Variants in SDK1 observed in about 807,000 individuals in gnomAD.
The protein encoded by SDK1 is protein sidekick-1.
SDK1 carries 157 observed loss-of-function variants against 245.5 expected under a neutral mutation model. The ratio of observed to expected loss-of-function variants is 0.64; its 90% CI spans 0.56 to 0.73. SDK1 has a LOEUF of 0.73. Among genes scored for constraint, SDK1 ranks in the 30% least tolerant of loss-of-function variants. SDK1 has a pLI of 0.00. For synonymous variants in SDK1, 1,647 were observed against 1,278.5 expected (o/e 1.29, Z -6.15); for missense variants, 3,583 against 3,002.3 (o/e 1.19, Z -4.52).
intron 32 of SDK1, among the ~76,000 whole-genome samples, chr7:4,163,547 C>A (rs576384224): frequency 1.3e-5 from 2 of 152,286 alleles, no homozygotes; most frequent in African/African-American, 4.8e-5. Flanking sequence ...CAGAGCATCT[C>A]CCAGGGCCCT....
intron 5 of SDK1, among the ~76,000 whole-genome samples, chr7:3,823,960 T>TG (rs145196602): frequency 0.12 from 17,838 of 151,684 alleles, 1,763 homozygotes; most frequent in African/African-American, 0.27. Flanking sequence ...GTGTTTTTTT[T>TG]TTTTGTTTTT....
intron 32 of SDK1, among the ~76,000 whole-genome samples, chr7:4,164,799 G>A (rs910447947): frequency 2.0e-5 from 3 of 152,190 alleles, no homozygotes; most frequent in African/African-American, 7.2e-5. Context: ...GAGGAGCTGG[G>A]CTGGTGTGTG....
chr7:3,436,894 A>G (rs1196382457), intron 1 of SDK1, among the ~76,000 whole-genome samples: 1 of 152,186 alleles, frequency 6.6e-6, no homozygotes, highest in Non-Finnish European at 1.5e-5. Flanking sequence ...AATGTTCTGT[A>G]ATGAAAGTGT....
intron 2 of SDK1, among the ~76,000 whole-genome samples, chr7:3,621,013 C>G (rs1163504949): frequency 6.6e-6 from 1 of 152,122 alleles, no homozygotes; most frequent in Non-Finnish European, 1.5e-5. Flanking sequence ...GGTGTTATAA[C>G]TTTAGGCAGG....
chr7:4,093,898 G>T (rs753807882), intron 22 of SDK1, among the ~76,000 whole-genome samples: 2 of 152,132 alleles, frequency 1.3e-5, no homozygotes, highest in African/African-American at 4.8e-5. Flanking sequence ...GCACGTCCTT[G>T]GTCCAAAGCC....
intron 5 of SDK1, among the ~76,000 whole-genome samples, chr7:3,916,880 A>G (rs1779400105): frequency 6.6e-6 from 1 of 152,226 alleles, no homozygotes; most frequent in Non-Finnish European, 1.5e-5. Flanking sequence ...TAGATAGATA[A>G]TAGAGGACTT....
At chr7:3,984,399 G>T (rs1783656688) in intron 13 of SDK1, among the ~76,000 whole-genome samples, 1 of 152,314 alleles carries the variant, frequency 6.6e-6, no homozygotes, top group African/African-American at 2.4e-5. Context: ...AGCGTGATTT[G>T]AAATCAAGTG....
chr7:3,761,857 T>G (rs1780115252), intron 4 of SDK1, among the ~76,000 whole-genome samples: 2 of 152,186 alleles, frequency 1.3e-5, no homozygotes, highest in South Asian at 4.1e-4. Context: ...TGTATTTGCT[T>G]GCGACTTGCA....
At chr7:3,456,448 C>G (rs766307756) in intron 1 of SDK1, among the ~76,000 whole-genome samples, 13 of 152,146 alleles carry the variant, frequency 8.5e-5, no homozygotes, top group African/African-American at 9.7e-5. Context: ...TTCCATTGCT[C>G]TATCTTCAAG....
At chr7:3,301,969 C>T (rs1010687141) in intron 1 of SDK1, 85 bp downstream of exon 1, 23 of 972,970 alleles carry the variant, frequency 2.4e-5, no homozygotes, top group African/African-American at 1.0e-4. Flanking sequence ...TGTCCGGGGT[C>T]CCCCCGCTTC....
At chr7:4,143,178 A>C (rs893428063) in intron 28 of SDK1, among the ~76,000 whole-genome samples, 2 of 151,866 alleles carry the variant, frequency 1.3e-5, no homozygotes, top group African/African-American at 4.8e-5. Flanking sequence ...GGCATTCAGC[A>C]CCCTGTCCTG....
intron 25 of SDK1, among the ~76,000 whole-genome samples, chr7:4,115,997 G>T (rs1007798807): frequency 3.3e-5 from 5 of 152,162 alleles, no homozygotes; most frequent in African/African-American, 4.8e-5. Flanking sequence ...AGGCCTGTTG[G>T]CATGGGTGGA....
intron 17 of SDK1, among the ~76,000 whole-genome samples, chr7:4,030,661 C>G (rs981626311): frequency 1.3e-5 from 2 of 152,200 alleles, no homozygotes; most frequent in South Asian, 2.1e-4. Flanking sequence ...CACCAACATT[C>G]AGGTGATTTT....
At chr7:3,386,968 A>G (rs556528340) in intron 1 of SDK1, among the ~76,000 whole-genome samples, 1 of 152,354 alleles carries the variant, frequency 6.6e-6, no homozygotes, top group East Asian at 1.9e-4. Context: ...GAATTCAGGC[A>G]TTCTAACTTT....
intron 14 of SDK1, among the ~76,000 whole-genome samples, chr7:4,002,244 CT>C (rs1785128111): frequency 7.6e-3 from 1 of 132 alleles, no homozygotes; most frequent in Admixed American, 0.12. Flanking sequence ...TGAGTCTGGG[CT>C]CCAGCCGGAG....
intron 35 of SDK1, among the ~76,000 whole-genome samples, chr7:4,205,412 C>T (rs1784160896): frequency 6.6e-6 from 1 of 152,130 alleles, no homozygotes. Flanking sequence ...CCTGTCACAT[C>T]CCAGGCATTG....
chr7:3,872,876 CT>C (rs2115136121), intron 5 of SDK1, among the ~76,000 whole-genome samples: 1 of 152,142 alleles, frequency 6.6e-6, no homozygotes, highest in Non-Finnish European at 1.5e-5. Flanking sequence ...TCTAATTCCC[CT>C]CTCCCATTCC....
intron 4 of SDK1, among the ~76,000 whole-genome samples, chr7:3,759,034 GTTTA>G: frequency 6.6e-6 from 1 of 152,244 alleles, no homozygotes; most frequent in Middle Eastern, 3.4e-3. Context: ...ATTATCCACA[GTTTA>G]TTTAGGTGTT....
intron 23 of SDK1, among the ~76,000 whole-genome samples, chr7:4,111,209 T>C (rs963951662): frequency 6.6e-6 from 1 of 152,330 alleles, no homozygotes; most frequent in Admixed American, 6.5e-5. Context: ...GTCTCACTTA[T>C]CAAGCAATTA....
Sources: allele counts gnomAD v4.1 joint callset (sites outside exome capture counted in the v4.1 genomes callset), GRCh38; gene constraint gnomAD v4.1.1; transcripts MANE v1.5; gene names NCBI Gene and HGNC (gene_info 2026-07-23, HGNC 2026-07-21).